Variants in ARL8B observed in about 807,000 individuals in gnomAD.
ARL8B encodes ARF like GTPase 8B.
ARL8B carries 9 observed loss-of-function variants against 30.6 expected under a neutral mutation model. The observed-to-expected ratio is 0.29, with a 90% confidence interval of 0.18 to 0.51. The LOEUF is 0.51. ARL8B is among the 20% of genes least tolerant of loss of function. The pLI, the probability that ARL8B is intolerant of heterozygous loss-of-function variation, is 0.97. For synonymous variants in ARL8B, 74 were observed against 76.0 expected, an observed-to-expected ratio of 0.97 and a Z score of 0.14; for missense variants, 130 against 227.2, an observed-to-expected ratio of 0.57 and a Z score of 2.75.
intron 1 of ARL8B, among the ~76,000 whole-genome samples, chr3:5,149,496 C>CA (rs2054460427): frequency 6.6e-6 from 1 of 152,090 alleles, no homozygotes. Flanking sequence ...GGGGCAGTTA[C>CA]GACAGGCAAT....
intron 1 of ARL8B, among the ~76,000 whole-genome samples, chr3:5,160,300 A>G (rs1301998657): frequency 5.9e-5 from 9 of 152,204 alleles, no homozygotes; most frequent in Admixed American, 2.0e-4. Flanking sequence ...GACAAGGGAT[A>G]CTCACTAGCA....
rs961649979 is a variant in ARL8B at position 5,174,749 on chromosome 3, A to T, written c.511+335A>T. ...TATATGTAATATATATGTAATATATAATATATATAAATATATATTATATAT... is the reference window on the plus strand; with the variant it reads ...TATATGTAATATATATGTAATATATTATATATATAAATATATATTATATAT... On this transcript the variant is annotated intron_variant, in intron 6 of 6. Coordinates refer to ENST00000256496, the MANE Select transcript of ARL8B (RefSeq NM_018184.3). Among the ~76,000 whole-genome samples, 28 of 143,890 alleles carry T rather than the reference A, an allele frequency of 1.9e-4. No homozygotes were observed. The East Asian group carries it at 4.3e-3, about 22-fold the overall frequency. The allele number at this position is 143,890 out of a possible 152,430, so 94.4% of individuals were successfully genotyped here. A position where few individuals can be genotyped will look rare whatever the true frequency, so the allele number is the denominator to read the frequency against.
intron 1 of ARL8B, among the ~76,000 whole-genome samples, chr3:5,124,916 A>T (rs1225953041): frequency 6.6e-6 from 1 of 152,238 alleles, no homozygotes; most frequent in Non-Finnish European, 1.5e-5. Context: ...TTTCATGTGG[A>T]TAGGTGTATT....
intron 2 of ARL8B, among the ~76,000 whole-genome samples, chr3:5,171,599 C>T (rs1249956823): frequency 2.6e-5 from 4 of 152,148 alleles, no homozygotes; most frequent in Middle Eastern, 3.2e-3. Context: ...CCACCCGCCT[C>T]GGCCTCCCAA....
intron 1 of ARL8B, among the ~76,000 whole-genome samples, chr3:5,130,044 A>G (rs1381390556): frequency 6.6e-6 from 1 of 151,502 alleles, no homozygotes; most frequent in East Asian, 2.0e-4. Context: ...TTGTATTTTT[A>G]GTAGAGACAG....
At chr3:5,141,301 A>G (rs191164382) in intron 1 of ARL8B, among the ~76,000 whole-genome samples, 120 of 152,176 alleles carry the variant, frequency 7.9e-4, no homozygotes, top group African/African-American at 2.5e-3. Flanking sequence ...TTCCTTTTCT[A>G]TTTACTTCCT....
intron 1 of ARL8B, among the ~76,000 whole-genome samples, chr3:5,146,240 C>T (rs914829936): frequency 1.3e-5 from 2 of 152,174 alleles, no homozygotes; most frequent in African/African-American, 4.8e-5. Flanking sequence ...TTTAGATCTA[C>T]CACACTGAAC....
At chr3:5,175,707 G>C (rs953406100) in intron 6 of ARL8B, among the ~76,000 whole-genome samples, 1 of 152,218 alleles carries the variant, frequency 6.6e-6, no homozygotes, top group Non-Finnish European at 1.5e-5. Context: ...CTCTCTGAAG[G>C]CTGTAGAAGA....
intron 1 of ARL8B, among the ~76,000 whole-genome samples, chr3:5,168,676 T>C (rs948835292): frequency 2.6e-5 from 4 of 152,360 alleles, no homozygotes; most frequent in South Asian, 2.1e-4. Context: ...TTGAGTGTTA[T>C]CTAATTTAGT....
At chr3:5,148,001 C>T (rs978431594) in intron 1 of ARL8B, among the ~76,000 whole-genome samples, 1 of 151,320 alleles carries the variant, frequency 6.6e-6, no homozygotes, top group African/African-American at 2.4e-5. Flanking sequence ...TATTATTATC[C>T]CATTTGGGGT....
chr3:5,122,854 C>T (rs1234108567), intron 1 of ARL8B, among the ~76,000 whole-genome samples: 1 of 152,138 alleles, frequency 6.6e-6, no homozygotes, highest in Admixed American at 6.5e-5. Context: ...CGCGGGGGCT[C>T]GGAAAGAGTT....
chr3:5,135,756 CTATTATTATTATTATTATTAT>C (rs111824873), intron 1 of ARL8B, among the ~76,000 whole-genome samples: 286 of 126,916 alleles, frequency 2.3e-3, no homozygotes, highest in African/African-American at 5.8e-3. Context: ...CGCACCTGGC[CTATTATTATTATTATTATTAT>C]TATTATTATT....
chr3:5,169,418 A>AT (rs1304364981), intron 1 of ARL8B, among the ~76,000 whole-genome samples: 1 of 151,864 alleles, frequency 6.6e-6, no homozygotes, highest in Non-Finnish European at 1.5e-5. Flanking sequence ...CAGAAGTTGA[A>AT]TTGCTGGATC....
chr3:5,125,060 G>A (rs1336856895), intron 1 of ARL8B, among the ~76,000 whole-genome samples: 2 of 152,192 alleles, frequency 1.3e-5, no homozygotes, highest in African/African-American at 4.8e-5. Context: ...TAATGAGCAT[G>A]ACCTTTGAAG....
At chr3:5,127,872 CAAAAAAAAAAAAA>C (rs748657502) in intron 1 of ARL8B, among the ~76,000 whole-genome samples, 5 of 10,594 alleles carry the variant, frequency 4.7e-4, no homozygotes, top group African/African-American at 1.3e-3. Flanking sequence ...GACTCCGTCT[CAAAAAAAAAAAAA>C]AAAAAAAAAA....
chr3:5,155,959 G>A (rs554738627), intron 1 of ARL8B, among the ~76,000 whole-genome samples: 6 of 151,910 alleles, frequency 3.9e-5, no homozygotes, highest in Non-Finnish European at 7.4e-5. Flanking sequence ...CTGGAGTGCA[G>A]TGGCGCGATC....
In ARL8B at chr3:5,180,543, T is replaced by C. The variant is rs745406939; in HGVS notation, c.*1830T>C. On this transcript the variant is annotated 3_prime_UTR_variant, in exon 7 of 7. Coordinates refer to ENST00000256496, the MANE Select transcript of ARL8B (RefSeq NM_018184.3). The stretch of plus-strand genomic sequence containing the variant: ...ACCTATAGCTAAACCTTAATGTGTT[T>C]GTGTGTCTATACATTGCTTTCCGCA... 1 of 152,792 alleles carries C rather than the reference T, an allele frequency of 6.5e-6. No homozygotes were observed. 9.5% of individuals were successfully genotyped at this position (152,792 alleles called of 1,614,324 possible). A position where few individuals can be genotyped will look rare whatever the true frequency, so the allele number is the denominator to read the frequency against.
chr3:5,151,230 T>G (rs1411867286), intron 1 of ARL8B, among the ~76,000 whole-genome samples: 1 of 152,136 alleles, frequency 6.6e-6, no homozygotes, highest in Non-Finnish European at 1.5e-5. Flanking sequence ...CTTTTTCTAA[T>G]TTCTTAAATG....
At chr3:5,149,521 A>T (rs535951784) in intron 1 of ARL8B, among the ~76,000 whole-genome samples, 15 of 152,240 alleles carry the variant, frequency 9.9e-5, no homozygotes, top group Non-Finnish European at 2.1e-4. Context: ...CTCCTAGCAC[A>T]CAAGTCCCTC....
Sources: gnomAD v4.1 joint callset for allele counts (sites outside exome capture counted in the v4.1 genomes callset) on GRCh38, gnomAD v4.1.1 for gene constraint, MANE v1.5 for transcripts, NCBI Gene and HGNC (gene_info 2026-07-23, HGNC 2026-07-21) for gene names.